The following GLIS1 variants were observed in gnomAD, a reference collection of about 807,000 sequenced individuals.
GLIS1 encodes GLIS family zinc finger 1.
In GLIS1, 24 loss-of-function variants were observed where a neutral mutation model predicts 63.8. The observed-to-expected ratio is 0.38, with a 90% CI of 0.27 to 0.53. The LOEUF (loss-of-function observed/expected upper bound fraction) is 0.53. Among genes scored for constraint, GLIS1 ranks in the 20% least tolerant of loss-of-function variants. GLIS1 has a pLI of 0.85. For missense variants in GLIS1, 1,036 were observed against 1,074.1 expected (o/e 0.96, Z 0.50); for synonymous variants, 450 against 482.5 (o/e 0.93, Z 0.88).
At position 53,717,882 on chromosome 1, in the gene GLIS1, TA is replaced by T. The variant is rs968270554; in HGVS notation, c.259+19923del. ...GCAGGTGCTCAACAAAAATGTAAGT[TA>T]AAAAAAAAACTTGCTTTCCAAGCCT... On this transcript the variant is annotated intron_variant, in intron 2 of 10. Transcript: ENST00000628545. Among the ~76,000 whole-genome samples the T allele has an allele frequency of 2.1e-4, 31 of 150,022 alleles. 1 individual carries two copies. Among genetic ancestry groups the T allele is most frequent in the South Asian group, 1.7e-3 (8 of 4,692 alleles).
chr1:53,643,555 G>A (rs1645810535), intron 2 of GLIS1, among the ~76,000 whole-genome samples: 1 of 152,158 alleles, frequency 6.6e-6, no homozygotes, highest in Non-Finnish European at 1.5e-5. Flanking sequence ...GAGCAAGGAG[G>A]CAGACTCAGT....
At chr1:53,515,531 C>T (rs982490769) in intron 7 of GLIS1, among the ~76,000 whole-genome samples, 1 of 152,016 alleles carries the variant, frequency 6.6e-6, no homozygotes, top group Non-Finnish European at 1.5e-5. Flanking sequence ...GATTCTAAAC[C>T]TTCAGAAGAC....
At chr1:53,728,400 T>C (rs879906684) in intron 2 of GLIS1, among the ~76,000 whole-genome samples, 4 of 152,186 alleles carry the variant, frequency 2.6e-5, no homozygotes, top group Non-Finnish European at 4.4e-5. Flanking sequence ...CACTTATACA[T>C]GTGTTAACAC....
intron 2 of GLIS1, among the ~76,000 whole-genome samples, chr1:53,731,855 C>A (rs949353271): frequency 6.6e-6 from 1 of 152,222 alleles, no homozygotes; most frequent in African/African-American, 2.4e-5. Flanking sequence ...CCTCTTCCTA[C>A]ACCCCAGATC....
At chr1:53,638,425 G>C (rs1230710042) in intron 2 of GLIS1, among the ~76,000 whole-genome samples, 2 of 152,112 alleles carry the variant, frequency 1.3e-5, no homozygotes, top group Non-Finnish European at 2.9e-5. Flanking sequence ...GGCCCCAGCT[G>C]AAAGATGACG....
intron 4 of GLIS1, among the ~76,000 whole-genome samples, chr1:53,546,110 A>T (rs1644695818): frequency 6.6e-6 from 1 of 152,262 alleles, no homozygotes; most frequent in South Asian, 2.1e-4. Flanking sequence ...CCACCGATGC[A>T]CTGAAGGATG....
chr1:53,567,358 T>C (rs949436469), intron 4 of GLIS1, among the ~76,000 whole-genome samples: 5 of 152,326 alleles, frequency 3.3e-5, no homozygotes, highest in East Asian at 1.9e-4. Flanking sequence ...TAACAGCATA[T>C]AGTCATATGT....
intron 2 of GLIS1, among the ~76,000 whole-genome samples, chr1:53,606,876 C>T (rs576387935): frequency 6.6e-6 from 1 of 152,366 alleles, no homozygotes; most frequent in Admixed American, 6.5e-5. Context: ...CTAAGCTAGA[C>T]TTACGGGGAC....
Position 53,730,587 on chromosome 1 carries a change from A to C in GLIS1, c.259+7219T>G, listed in dbSNP as rs540787522. Among the ~76,000 whole-genome samples, 21 of 152,350 alleles carry C rather than the reference A, an allele frequency of 1.4e-4. 1 individual carries two copies. The highest frequency in any genetic ancestry group is 5.1e-4 in the African/African-American group (21 of 41,584). ...TAAAAGAGTAATCTGGTTGCTAAAAAGACACAAATAGGAACAGGCTGGGCT... is the reference window on the plus strand; with the variant it reads ...TAAAAGAGTAATCTGGTTGCTAAAACGACACAAATAGGAACAGGCTGGGCT... On this transcript the variant is annotated intron_variant, in intron 2 of 10. Transcript: ENST00000628545.
chr1:53,737,126 A>G (rs1398781403), intron 2 of GLIS1, among the ~76,000 whole-genome samples: 1 of 152,226 alleles, frequency 6.6e-6, no homozygotes, highest in Non-Finnish European at 1.5e-5. Context: ...AAATCCCAGC[A>G]CCATCTCCGA....
chr1:53,580,250 C>T (rs1045753999), intron 4 of GLIS1, among the ~76,000 whole-genome samples: 23 of 152,166 alleles, frequency 1.5e-4, no homozygotes, highest in South Asian at 6.2e-4. Flanking sequence ...GTTCCTGCAC[C>T]CTCTTTCAGG....
chr1:53,553,646 T>G (rs972727642), intron 4 of GLIS1, among the ~76,000 whole-genome samples: 3 of 152,076 alleles, frequency 2.0e-5, no homozygotes, highest in African/African-American at 7.2e-5. Context: ...GGAGTACTGG[T>G]GGGGAGGGGC....
chr1:53,569,616 A>G (rs928975371), intron 4 of GLIS1, among the ~76,000 whole-genome samples: 1 of 152,176 alleles, frequency 6.6e-6, no homozygotes, highest in African/African-American at 2.4e-5. Context: ...TATTTCTGAA[A>G]AAGATAAAAC....
chr1:53,583,198 T>C (rs1269682846), intron 4 of GLIS1, among the ~76,000 whole-genome samples: 1 of 152,198 alleles, frequency 6.6e-6, no homozygotes, highest in Non-Finnish European at 1.5e-5. Context: ...TTCCACTCTG[T>C]GCATTTCAGT....
At chr1:53,661,706 C>G (rs1221406438) in intron 2 of GLIS1, among the ~76,000 whole-genome samples, 4 of 152,180 alleles carry the variant, frequency 2.6e-5, no homozygotes, top group Non-Finnish European at 5.9e-5. Flanking sequence ...CCCACGGCTC[C>G]CTGTGGGACC....
At chr1:53,561,743 C>A (rs1034613886) in intron 4 of GLIS1, among the ~76,000 whole-genome samples, 1 of 152,130 alleles carries the variant, frequency 6.6e-6, no homozygotes, top group East Asian at 1.9e-4. Flanking sequence ...GAGAGTCATC[C>A]CGAGGTGTGA....
chr1:53,573,272 A>G (rs1279576951), intron 4 of GLIS1, among the ~76,000 whole-genome samples: 1 of 152,130 alleles, frequency 6.6e-6, no homozygotes, highest in Non-Finnish European at 1.5e-5. Flanking sequence ...CCTGTTAGAA[A>G]GTCCATCCTG....
chr1:53,524,840 G>A lies in GLIS1; in HGVS notation c.1530C>T (p.Asp510=), dbSNP rs1327793760. ...QIPGCSKRYT[D]PSSLRKHVKA... ...TGACGTGCTTGCGGAGGGAGCTGGGGTCTGTGTAGCGCTTGGAGCAGCCAG... is the reference window on the plus strand; with the variant it reads ...TGACGTGCTTGCGGAGGGAGCTGGGATCTGTGTAGCGCTTGGAGCAGCCAG... The change falls in exon 6 of 11, where the codon GAC becomes GAT. Residue 510 remains aspartate (D), a synonymous_variant. Coordinates refer to ENST00000628545, the MANE Select transcript of GLIS1 (RefSeq NM_001367484.1). 1.9e-6 allele frequency: 3 copies of A among 1,613,260 alleles called. No homozygotes were observed. In the Admixed American group the frequency reaches 5.0e-5, roughly 27 times the overall value.
At chr1:53,691,839 A>T (rs564134416) in intron 2 of GLIS1, among the ~76,000 whole-genome samples, 1 of 152,240 alleles carries the variant, frequency 6.6e-6, no homozygotes, top group African/African-American at 2.4e-5. Flanking sequence ...ACACCCACCC[A>T]GCATTACCAG....
Sources: allele counts gnomAD v4.1 joint callset (sites outside exome capture counted in the v4.1 genomes callset), GRCh38; gene constraint gnomAD v4.1.1; transcripts MANE v1.5; gene names NCBI Gene and HGNC (gene_info 2026-07-23, HGNC 2026-07-21).